Variants in TRAPPC9 observed in about 807,000 individuals in gnomAD.
TRAPPC9 encodes the protein IKK2 binding protein.
TRAPPC9 carries 83 observed loss-of-function variants against 124.0 expected under a neutral mutation model. The observed-to-expected ratio is 0.67, with a 90% CI of 0.56 to 0.80. TRAPPC9 has a LOEUF of 0.80. TRAPPC9 is among the 30% of genes least tolerant of loss of function. TRAPPC9 has a pLI of 0.00. For synonymous variants in TRAPPC9, 638 were observed against 617.5 expected (o/e 1.03, Z -0.49); for missense variants, 1,302 against 1,508.3 (o/e 0.86, Z 2.27).
chr8:140,350,614 A>G (rs1269169586), intron 9 of TRAPPC9, among the ~76,000 whole-genome samples: 2 of 151,172 alleles, frequency 1.3e-5, no homozygotes, highest in Non-Finnish European at 2.9e-5. Context: ...GATGCAGAAG[A>G]GCCGGGGGTC....
chr8:140,048,051 G>A (rs568696097), intron 17 of TRAPPC9, among the ~76,000 whole-genome samples: 1 of 152,360 alleles, frequency 6.6e-6, no homozygotes, highest in South Asian at 2.1e-4. Context: ...AAGCTGGGCT[G>A]GCCAGAAGCC....
intron 8 of TRAPPC9, among the ~76,000 whole-genome samples, chr8:140,367,787 G>C (rs887408655): frequency 3.9e-5 from 6 of 152,158 alleles, no homozygotes; most frequent in Admixed American, 3.9e-4. Context: ...TACCACCCTG[G>C]TATGGGGTGT....
At chr8:140,170,105 G>A (rs2061937081) in intron 17 of TRAPPC9, among the ~76,000 whole-genome samples, 1 of 152,130 alleles carries the variant, frequency 6.6e-6, no homozygotes, top group Non-Finnish European at 1.5e-5. Flanking sequence ...TTATATAAAT[G>A]TTCTTTTATT....
chr8:140,456,881 GAA>G, intron 1 of TRAPPC9: 2 of 978,706 alleles, frequency 2.0e-6, no homozygotes, highest in Non-Finnish European at 2.4e-6. Context: ...CCTAACACGG[GAA>G]AACTTTCGGT....
Position 139,829,556 on chromosome 8 carries a change from C to T in TRAPPC9, c.3055+56323G>A, listed in dbSNP as rs112604745. ...CAGGAGGAGCAACGTCTGGATACCC[C>T]CATCTGGAGATGCTCACAACCCTGG... On this transcript the variant is annotated intron_variant, in intron 21 of 22. Transcript: ENST00000438773. 7.5e-3 allele frequency among the ~76,000 whole-genome samples: 1,149 copies of T among 152,306 alleles called. 15 individuals carry two copies. The highest frequency in any genetic ancestry group is 0.026 in the African/African-American group (1,070 of 41,572).
chr8:139,736,186 G>A (rs1268592118), intron 21 of TRAPPC9, among the ~76,000 whole-genome samples: 1 of 152,214 alleles, frequency 6.6e-6, no homozygotes, highest in Non-Finnish European at 1.5e-5. Flanking sequence ...CATTGCAGAA[G>A]GAGGGCAGTG....
At chr8:139,960,558 C>T (rs946538044) in intron 19 of TRAPPC9, among the ~76,000 whole-genome samples, 6 of 152,372 alleles carry the variant, frequency 3.9e-5, no homozygotes, top group Admixed American at 1.3e-4. Context: ...GTGCCTTCCA[C>T]AGGCCACACC....
In TRAPPC9 at chr8:140,321,635, C is replaced by T. The variant is rs114469077; in HGVS notation, c.1496-10261G>A. Among the ~76,000 whole-genome samples, 1,193 of 152,192 alleles carry T rather than the reference C, an allele frequency of 7.8e-3. 13 individuals carry two copies. The highest frequency in any genetic ancestry group is 0.026 in the African/African-American group (1,077 of 41,520). On this transcript the variant is annotated intron_variant, in intron 9 of 22. Coordinates refer to ENST00000438773, the MANE Select transcript of TRAPPC9 (RefSeq NM_001160372.4). Reference sequence around the variant, plus strand: ...AGAGAAGGGAGAATTGGGCAGAGAACGGGGGAAGGAGAAAAGGGCTGAACT... The same window carrying T: ...AGAGAAGGGAGAATTGGGCAGAGAATGGGGGAAGGAGAAAAGGGCTGAACT...
intron 17 of TRAPPC9, among the ~76,000 whole-genome samples, chr8:140,081,834 T>C (rs1355254768): frequency 6.6e-6 from 1 of 152,194 alleles, no homozygotes; most frequent in African/African-American, 2.4e-5. Context: ...CCAGTCCATG[T>C]GCCCCTCAGT....
At chr8:140,276,983 G>A (rs569834107) in intron 14 of TRAPPC9, among the ~76,000 whole-genome samples, 11 of 152,234 alleles carry the variant, frequency 7.2e-5, no homozygotes, top group African/African-American at 2.2e-4. Flanking sequence ...AGCGGACTGT[G>A]GACCACCCCA....
At chr8:139,843,585 G>A (rs1309614965) in intron 21 of TRAPPC9, among the ~76,000 whole-genome samples, 1 of 152,184 alleles carries the variant, frequency 6.6e-6, no homozygotes, top group Non-Finnish European at 1.5e-5. Context: ...TGAGCCCCAC[G>A]TAATCACCAG....
At position 139,925,086 on chromosome 8, in the gene TRAPPC9, A is replaced by G. The variant is rs570061647; in HGVS notation, c.2811-14786T>C. On this transcript the variant is annotated intron_variant, in intron 19 of 22. Coordinates refer to ENST00000438773, the MANE Select transcript of TRAPPC9 (RefSeq NM_001160372.4). ...GGGAAAGCTCCCGAAAAGCACACAA[A>G]AACAGCTCCCTGAGGAATCCGGGAG... 5.0e-4 allele frequency among the ~76,000 whole-genome samples: 76 copies of G among 152,318 alleles called. 1 individual carries two copies. The highest frequency in any genetic ancestry group is 1.7e-3 in the African/African-American group (69 of 41,576).
chr8:140,326,462 G>A (rs906726471), intron 9 of TRAPPC9, among the ~76,000 whole-genome samples: 8 of 152,096 alleles, frequency 5.3e-5, no homozygotes, highest in Non-Finnish European at 1.0e-4. Flanking sequence ...CAAAGGACCC[G>A]CTTTGCCTGC....
intron 1 of TRAPPC9, among the ~76,000 whole-genome samples, chr8:140,452,594 T>G (rs1399151433): frequency 6.6e-6 from 1 of 152,130 alleles, no homozygotes; most frequent in African/African-American, 2.4e-5. Context: ...ATAACCTCTC[T>G]GAGCCAATTT....
chr8:140,439,461 T>G (rs1379083481), intron 2 of TRAPPC9, among the ~76,000 whole-genome samples: 1 of 152,230 alleles, frequency 6.6e-6, no homozygotes, highest in Admixed American at 6.5e-5. Context: ...AATGTTACAG[T>G]TGGATTTTTC....
chr8:140,064,848 C>T (rs1842825369), intron 17 of TRAPPC9, among the ~76,000 whole-genome samples: 1 of 152,148 alleles, frequency 6.6e-6, no homozygotes, highest in Non-Finnish European at 1.5e-5. Context: ...ATACAAAAGA[C>T]TCCCCCCATT....
At chr8:140,278,681 A>G (rs1162045582) in intron 14 of TRAPPC9, among the ~76,000 whole-genome samples, 1 of 152,108 alleles carries the variant, frequency 6.6e-6, no homozygotes, top group East Asian at 1.9e-4. Context: ...GCAATTCCAC[A>G]GGAGATGCCA....
intron 5 of TRAPPC9, among the ~76,000 whole-genome samples, chr8:140,413,630 A>G (rs1167303538): frequency 2.0e-5 from 3 of 147,564 alleles, no homozygotes; most frequent in Non-Finnish European, 4.5e-5. Flanking sequence ...ATTTAGCATT[A>G]GGTATATCTC....
intron 20 of TRAPPC9, among the ~76,000 whole-genome samples, chr8:139,889,683 A>G (rs765774134): frequency 1.3e-4 from 20 of 152,308 alleles, no homozygotes; most frequent in South Asian, 4.1e-4. Context: ...TATAATTAGG[A>G]AGCAGAGCGA....
Sources: allele counts gnomAD v4.1 joint callset (sites outside exome capture counted in the v4.1 genomes callset), GRCh38; gene constraint gnomAD v4.1.1; transcripts MANE v1.5; gene names NCBI Gene and HGNC (gene_info 2026-07-23, HGNC 2026-07-21).